PXYLP1: variants seen among roughly 807,000 people sequenced by gnomAD.
The protein encoded by PXYLP1 is 2-phosphoxylose phosphatase 1.
Under a neutral mutation model 37.9 loss-of-function variants are expected in PXYLP1, and 17 were observed. The observed-to-expected ratio is 0.45, with a 90% confidence interval of 0.31 to 0.67. PXYLP1 has a LOEUF of 0.67. Among genes scored for constraint, PXYLP1 ranks in the 30% least tolerant of loss-of-function variants. The pLI, the probability that PXYLP1 is intolerant of heterozygous loss-of-function variation, is 0.07. For missense variants in PXYLP1, 511 were observed against 612.0 expected (o/e 0.84, Z 1.74); for synonymous variants, 221 against 232.2 (o/e 0.95, Z 0.44).
chr3:141,259,742 G>A (rs1191473294), intron 1 of PXYLP1, among the ~76,000 whole-genome samples: 1 of 152,184 alleles, frequency 6.6e-6, no homozygotes, highest in East Asian at 1.9e-4. Context: ...AGATTTAAAG[G>A]TTAAAGGTCA....
At chr3:141,259,974 CTGT>C (rs1339559196) in intron 1 of PXYLP1, 146 bp from the exon 2 acceptor site, 1 of 606,416 alleles carries the variant, frequency 1.6e-6, no homozygotes, top group Admixed American at 2.9e-5. Context: ...ATAGAGCATG[CTGT>C]TGTTCTCCAG....
At chr3:141,269,506 T>C (rs1941610163) in intron 2 of PXYLP1, among the ~76,000 whole-genome samples, 1 of 152,224 alleles carries the variant, frequency 6.6e-6, no homozygotes, top group Non-Finnish European at 1.5e-5. Context: ...AATCTGTTCA[T>C]CTCTTCTTGA....
chr3:141,274,167 G>T, intron 2 of PXYLP1: 10 of 1,026,272 alleles, frequency 9.7e-6, no homozygotes, highest in Non-Finnish European at 1.2e-5. Flanking sequence ...CAGCCCCTGG[G>T]TCTGTCCCTC....
At chr3:141,265,339 C>CAA (rs34592411) in intron 2 of PXYLP1, among the ~76,000 whole-genome samples, 5 of 126,004 alleles carry the variant, frequency 4.0e-5, no homozygotes, top group East Asian at 4.7e-4. Context: ...GTTCCAAAAC[C>CAA]AAAAAAAAAA....
Position 141,248,703 on chromosome 3 carries a change from G to A in PXYLP1, c.-53-11420G>A, listed in dbSNP as rs1197021271. ...TATATACACACGTATATACACACACGTGTATATATACACACGTATATACAC... is the reference window on the plus strand; with the variant it reads ...TATATACACACGTATATACACACACATGTATATATACACACGTATATACAC... On this transcript the variant is annotated intron_variant, in intron 1 of 5. Coordinates refer to ENST00000286353, the MANE Select transcript of PXYLP1 (RefSeq NM_001037172.3). 3.9e-3 allele frequency among the ~76,000 whole-genome samples: 63 copies of A among 16,282 alleles called. 5 individuals carry two copies. The highest frequency in any genetic ancestry group is 7.7e-3 in the East Asian group (3 of 390). The allele number at this position is 16,282 out of a possible 152,430, so 10.7% of individuals were successfully genotyped here.
chr3:141,257,072 G>A (rs1443223830), intron 1 of PXYLP1, among the ~76,000 whole-genome samples: 2 of 152,218 alleles, frequency 1.3e-5, no homozygotes, highest in African/African-American at 4.8e-5. Flanking sequence ...ATTAAAGAAC[G>A]TAGACAAGAT....
chr3:141,264,959 G>C (rs1006908192), intron 2 of PXYLP1, among the ~76,000 whole-genome samples: 1 of 152,258 alleles, frequency 6.6e-6, no homozygotes, highest in African/African-American at 2.4e-5. Flanking sequence ...AGAGTAGTAT[G>C]AGAGACTAGA....
chr3:141,251,254 G>T (rs1350055244), intron 1 of PXYLP1, among the ~76,000 whole-genome samples: 2 of 152,246 alleles, frequency 1.3e-5, no homozygotes, highest in Non-Finnish European at 2.9e-5. Context: ...GCCCCTTGGG[G>T]TTATCTAGGG....
chr3:141,248,497 G>A (rs111434816), intron 1 of PXYLP1, among the ~76,000 whole-genome samples: 9 of 117,454 alleles, frequency 7.7e-5, no homozygotes, highest in African/African-American at 1.9e-4. Context: ...GTGCGTGTGT[G>A]TATATATATA....
At chr3:141,252,783 A>G (rs1400890006) in intron 1 of PXYLP1, among the ~76,000 whole-genome samples, 1 of 152,202 alleles carries the variant, frequency 6.6e-6, no homozygotes, top group Non-Finnish European at 1.5e-5. Flanking sequence ...ACGCAGGTCA[A>G]ATCACCCCTC....
At chr3:141,285,377 A>G (rs1942052263) in intron 4 of PXYLP1, among the ~76,000 whole-genome samples, 1 of 151,568 alleles carries the variant, frequency 6.6e-6, no homozygotes, top group Non-Finnish European at 1.5e-5. Context: ...CCTGGCCCCA[A>G]GCAGTCCTCC....
At chr3:141,285,798 A>T (rs1942063467) in intron 4 of PXYLP1, among the ~76,000 whole-genome samples, 1 of 152,160 alleles carries the variant, frequency 6.6e-6, no homozygotes, top group South Asian at 2.1e-4. Context: ...TTTATTTCCC[A>T]GTTTGCAAAC....
intron 2 of PXYLP1, among the ~76,000 whole-genome samples, chr3:141,269,249 G>T (rs754809617): frequency 8.5e-5 from 13 of 152,254 alleles, no homozygotes; most frequent in Non-Finnish European, 1.3e-4. Flanking sequence ...TCCTCTTGGG[G>T]AGAGAGAACA....
rs1491380203 is a variant in PXYLP1, at chr3:141,248,688, CGT to C, written c.-53-11434_-53-11433del. ...ATACACACACGTGTATATATACACA[CGT>C]ATATACACACACGTGTATATATACA... is the stretch of plus-strand genomic sequence containing the variant. On this transcript the variant is annotated intron_variant, in intron 1 of 5. Coordinates refer to ENST00000286353, the MANE Select transcript of PXYLP1 (RefSeq NM_001037172.3). Among the ~76,000 whole-genome samples, 13 of 59,880 alleles carry C rather than the reference CGT, an allele frequency of 2.2e-4. 2 individuals are homozygous for C. Among genetic ancestry groups the C allele is most frequent in the South Asian group, 1.0e-3 (2 of 1,952 alleles). The allele number at this position is 59,880 out of a possible 152,430, so 39.3% of individuals were successfully genotyped here. A position where few individuals can be genotyped will look rare whatever the true frequency, so the allele number is the denominator to read the frequency against.
chr3:141,260,059 T>C, intron 1 of PXYLP1, 64 bp from the exon 2 acceptor site: 1 of 1,229,914 alleles, frequency 8.1e-7, no homozygotes, highest in Non-Finnish European at 1.2e-6. Flanking sequence ...TTTGGTTATT[T>C]TCAGTTGACA....
Position 141,292,194 on chromosome 3 carries a change from G to T in PXYLP1, c.506-74G>T, listed in dbSNP as rs772820931. On this transcript the variant is annotated intron_variant, in intron 5 of 5. Coordinates refer to ENST00000286353, the MANE Select transcript of PXYLP1 (RefSeq NM_001037172.3). This position sits in a 1 kb window ranked among gnomAD's most constrained non-coding sequence, Gnocchi z 4.3. ...GCCCTAAAACACTCCAGAGCCACAC[G>T]CTGACTCCACCTCCCCTTGCTGTTT... 2 of 1,422,938 alleles carry T rather than the reference G, an allele frequency of 1.4e-6. No individual in the cohort carries two copies. The highest frequency in any genetic ancestry group is 9.5e-7 in the Non-Finnish European group (1 of 1,047,738). 88.1% of individuals were successfully genotyped at this position (1,422,938 alleles called of 1,614,324 possible).
chr3:141,274,308 C>G, intron 2 of PXYLP1: 2 of 1,367,202 alleles, frequency 1.5e-6, no homozygotes, highest in Non-Finnish European at 1.9e-6. Context: ...CCTCCTGGAG[C>G]CCGGCCTGCA....
chr3:141,277,642 G>A (rs1941829611), intron 2 of PXYLP1, among the ~76,000 whole-genome samples: 1 of 152,234 alleles, frequency 6.6e-6, no homozygotes, highest in African/African-American at 2.4e-5. Flanking sequence ...CCAGGGGGTG[G>A]GGACACTGTG....
chr3:141,288,864 C>T lies in PXYLP1; in HGVS notation c.505+1411C>T, dbSNP rs1029313304. Among the ~76,000 whole-genome samples the T allele has an allele frequency of 3.3e-5, 5 of 152,170 alleles. No homozygotes were observed. The South Asian group carries it at 1.0e-3, about 32-fold the overall frequency. Reference sequence around the variant, plus strand: ...TGAACCATGATCATGCCACTGCACTCCAGCCTGAGTGACAAAGTGAGGCCC... The same window carrying T: ...TGAACCATGATCATGCCACTGCACTTCAGCCTGAGTGACAAAGTGAGGCCC... On this transcript the variant is annotated intron_variant, in intron 5 of 5. Coordinates refer to ENST00000286353, the MANE Select transcript of PXYLP1 (RefSeq NM_001037172.3).
Sources: allele counts gnomAD v4.1 joint callset (sites outside exome capture counted in the v4.1 genomes callset), GRCh38; gene constraint gnomAD v4.1.1; non-coding constraint Gnocchi (gnomAD v3.1); transcripts MANE v1.5; gene names NCBI Gene and HGNC (gene_info 2026-07-23, HGNC 2026-07-21).